Variants in THSD7B observed in about 807,000 individuals in gnomAD.
THSD7B encodes the protein thrombospondin type-1 domain-containing protein 7B.
In THSD7B, 138 loss-of-function variants were observed where a neutral mutation model predicts 213.6. The observed-to-expected ratio is 0.65, with a 90% confidence interval of 0.56 to 0.74. The LOEUF (loss-of-function observed/expected upper bound fraction) is 0.74, where lower values mean the gene tolerates loss of function less well. Ranked by LOEUF, THSD7B falls within the 30% of genes least tolerant of loss-of-function variation. THSD7B has a pLI of 0.00. For synonymous variants in THSD7B, 742 were observed against 687.0 expected, an observed-to-expected ratio of 1.08 and a Z score of -1.25; for missense variants, 1,931 against 1,991.5, an observed-to-expected ratio of 0.97 and a Z score of 0.58.
intron 12 of THSD7B, among the ~76,000 whole-genome samples, chr2:137,386,559 A>C (rs183878009): frequency 6.6e-6 from 1 of 152,294 alleles, no homozygotes; most frequent in African/African-American, 2.4e-5. Context: ...TAACTATTAG[A>C]GTTGAACTCT....
intron 12 of THSD7B, among the ~76,000 whole-genome samples, chr2:137,332,434 A>G (rs773863506): frequency 6.6e-5 from 10 of 152,148 alleles, no homozygotes; most frequent in Non-Finnish European, 1.5e-4. Context: ...CTAGGAAGTA[A>G]CTAATTGGCT....
intron 15 of THSD7B, among the ~76,000 whole-genome samples, chr2:137,480,458 C>T (rs1003990434): frequency 6.6e-5 from 10 of 152,152 alleles, no homozygotes; most frequent in Non-Finnish European, 1.5e-4. Flanking sequence ...GAAATGCCAA[C>T]ATAAGACATC....
At chr2:137,233,166 G>T in intron 9 of THSD7B, 33 bp downstream of exon 9, 2 of 1,567,112 alleles carry the variant, frequency 1.3e-6, no homozygotes, top group East Asian at 2.3e-5. Flanking sequence ...AAATGCATTT[G>T]CTTATTTCAT....
chr2:137,483,338 A>G (rs1000198637), intron 15 of THSD7B, among the ~76,000 whole-genome samples: 3 of 152,224 alleles, frequency 2.0e-5, no homozygotes, highest in Admixed American at 6.5e-5. Context: ...TACATAACTA[A>G]TAAGTCATGG....
chr2:137,609,073 G>A (rs1682240162), intron 17 of THSD7B, among the ~76,000 whole-genome samples: 1 of 152,158 alleles, frequency 6.6e-6, no homozygotes, highest in Non-Finnish European at 1.5e-5. Context: ...TCAACCCCCT[G>A]GGGAGGCTAA....
intron 12 of THSD7B, among the ~76,000 whole-genome samples, chr2:137,404,535 T>G: frequency 7.6e-6 from 1 of 131,814 alleles, no homozygotes; most frequent in Middle Eastern, 3.9e-3. Context: ...ACAATATATA[T>G]ATACACACAT....
chr2:137,645,093 G>C (rs1683005903), intron 21 of THSD7B, among the ~76,000 whole-genome samples: 1 of 152,128 alleles, frequency 6.6e-6, no homozygotes, highest in Non-Finnish European at 1.5e-5. Context: ...TTCTGGCCAA[G>C]TCTATAAACT....
intron 12 of THSD7B, among the ~76,000 whole-genome samples, chr2:137,338,970 T>C (rs1003886430): frequency 5.3e-5 from 8 of 152,104 alleles, no homozygotes; most frequent in Admixed American, 2.6e-4. Context: ...TGGCTACTTG[T>C]ATGTACTCAT....
intron 12 of THSD7B, among the ~76,000 whole-genome samples, chr2:137,365,186 A>G (rs1017375790): frequency 1.3e-5 from 2 of 152,252 alleles, no homozygotes; most frequent in African/African-American, 2.4e-5. Context: ...CTGGCTAGCC[A>G]TATGAAGAAA....
intron 4 of THSD7B, among the ~76,000 whole-genome samples, chr2:137,104,665 A>T (rs1688213798): frequency 6.6e-6 from 1 of 152,206 alleles, no homozygotes; most frequent in African/African-American, 2.4e-5. Flanking sequence ...GGCTAGCCAG[A>T]CTAATAAAGA....
intron 15 of THSD7B, among the ~76,000 whole-genome samples, chr2:137,558,262 A>C (rs547256871): frequency 6.6e-6 from 1 of 152,316 alleles, no homozygotes. Context: ...CACAACAAAA[A>C]AAGAAAATTT....
chr2:137,000,206 T>G (rs2104824380), intron 2 of THSD7B, among the ~76,000 whole-genome samples: 1 of 152,248 alleles, frequency 6.6e-6, no homozygotes, highest in East Asian at 1.9e-4. Context: ...CAAAAATGTT[T>G]CCTGAGTCCC....
chr2:137,327,207 G>C (rs1324732049), intron 12 of THSD7B, among the ~76,000 whole-genome samples: 1 of 152,156 alleles, frequency 6.6e-6, no homozygotes, highest in Non-Finnish European at 1.5e-5. Context: ...GCTGGACTAG[G>C]TGAGTGTCTG....
intron 12 of THSD7B, among the ~76,000 whole-genome samples, chr2:137,396,752 T>C (rs1686202000): frequency 6.7e-6 from 1 of 149,766 alleles, no homozygotes; most frequent in Non-Finnish European, 1.5e-5. Flanking sequence ...CTGTCTAATG[T>C]TGACAGTGGG....
intron 1 of THSD7B, among the ~76,000 whole-genome samples, chr2:136,867,162 G>A (rs548577183): frequency 6.6e-6 from 1 of 152,178 alleles, no homozygotes; most frequent in Non-Finnish European, 1.5e-5. Flanking sequence ...CAGGAGTATT[G>A]TTGAAGCTTT....
At chr2:137,282,476 G>C (rs1448954715) in intron 12 of THSD7B, among the ~76,000 whole-genome samples, 1 of 152,114 alleles carries the variant, frequency 6.6e-6, no homozygotes, top group African/African-American at 2.4e-5. Context: ...TGAAGTCCTT[G>C]CCTGTGCCTA....
At chr2:137,284,600 T>G (rs930971229) in intron 12 of THSD7B, among the ~76,000 whole-genome samples, 12 of 152,160 alleles carry the variant, frequency 7.9e-5, no homozygotes, top group African/African-American at 2.4e-4. Flanking sequence ...GTATGTTGTG[T>G]CTTTGTTGTC....
intron 1 of THSD7B, among the ~76,000 whole-genome samples, chr2:136,871,182 T>C (rs1208512900): frequency 6.6e-6 from 1 of 152,154 alleles, no homozygotes; most frequent in Non-Finnish European, 1.5e-5. Flanking sequence ...ATTTTGTATG[T>C]TACATGTGTG....
chr2:137,453,558 T>A (rs553516091), intron 15 of THSD7B, among the ~76,000 whole-genome samples: 1 of 152,190 alleles, frequency 6.6e-6, no homozygotes, highest in South Asian at 2.1e-4. Context: ...CTCAATCTCC[T>A]GACCTCGTGC....
Sources: gnomAD v4.1 joint callset for allele counts (sites outside exome capture counted in the v4.1 genomes callset) on GRCh38, gnomAD v4.1.1 for gene constraint, MANE v1.5 for transcripts, NCBI Gene and HGNC (gene_info 2026-07-23, HGNC 2026-07-21) for gene names.